Variants in PCDHA11 observed in about 807,000 individuals in gnomAD.
PCDHA11 encodes protocadherin alpha-11.
Under a neutral mutation model 70.3 loss-of-function variants are expected in PCDHA11, and 61 were observed. That is an observed-to-expected ratio of 0.87 (90% CI 0.71 to 1.07). PCDHA11 has a LOEUF of 1.07. Among genes scored for constraint, PCDHA11 ranks in the 50% least tolerant of loss-of-function variants. The pLI is 0.00. For missense variants in PCDHA11, 1,324 were observed against 1,237.5 expected (o/e 1.07, Z -1.05); for synonymous variants, 633 against 555.1 (o/e 1.14, Z -1.97).
chr5:140,937,653 C>G (rs930742748), intron 1 of PCDHA11, among the ~76,000 whole-genome samples: 1 of 151,298 alleles, frequency 6.6e-6, no homozygotes, highest in Non-Finnish European at 1.5e-5. Context: ...TGGCTCACGC[C>G]TGTAATCCCA....
At chr5:140,989,744 T>C (rs1354218140) in intron 3 of PCDHA11, among the ~76,000 whole-genome samples, 1 of 152,200 alleles carries the variant, frequency 6.6e-6, no homozygotes, top group Non-Finnish European at 1.5e-5. Context: ...CATTGCCTAA[T>C]CTGGAGAAAC....
Position 140,922,562 on chromosome 5 carries a change from T to A in PCDHA11, c.2391+51068T>A, listed in dbSNP as rs2080887973. Among the ~76,000 whole-genome samples, 4 of 152,188 alleles carry A rather than the reference T, an allele frequency of 2.6e-5. No individual in the cohort carries two copies. In the South Asian group the frequency reaches 8.3e-4, roughly 31 times the overall value. ...GGCAAGGTAAGGAGAAAAGTCAGGA[T>A]GACAAGTTGCCCTGTAGCCGCCAGT... On this transcript the variant is annotated intron_variant, in intron 1 of 3. Transcript: ENST00000398640.
intron 1 of PCDHA11, chr5:140,877,658 T>G: frequency 6.2e-7 from 1 of 1,613,486 alleles, no homozygotes. Context: ...CCGCCCACCG[T>G]GAGCCGGTGC....
At chr5:140,999,088 G>T (rs1429141341) in intron 3 of PCDHA11, among the ~76,000 whole-genome samples, 1 of 152,156 alleles carries the variant, frequency 6.6e-6, no homozygotes, top group Non-Finnish European at 1.5e-5. Context: ...TCCTTCAGAG[G>T]GCTATGGAGA....
In PCDHA11 at chr5:140,877,673, C is replaced by T. The variant is rs1187719075; in HGVS notation, c.2391+6179C>T. The T allele has an allele frequency of 2.5e-5, 40 of 1,613,532 alleles. No individual in the cohort carries two copies. In the East Asian group the frequency reaches 8.0e-4, roughly 32 times the overall value. Reference sequence around the variant, plus strand: ...CCGCCCACCGTGAGCCGGTGCGCGCCGGGCAAGCCCACGCTGGTGTGCTCC... The same window carrying T: ...CCGCCCACCGTGAGCCGGTGCGCGCTGGGCAAGCCCACGCTGGTGTGCTCC... On this transcript the variant is annotated intron_variant, in intron 1 of 3. Transcript: ENST00000398640.
At chr5:140,929,592 C>A in intron 1 of PCDHA11, 1 of 424,552 alleles carries the variant, frequency 2.4e-6, no homozygotes, top group Non-Finnish European at 4.2e-6. Flanking sequence ...ACATAAAGGT[C>A]TAAAATTAAA....
At chr5:140,965,061 G>A (rs76085486) in intron 1 of PCDHA11, among the ~76,000 whole-genome samples, 2,501 of 152,286 alleles carry the variant, frequency 0.016, 68 homozygotes, top group African/African-American at 0.056. Context: ...CATGCCAAAT[G>A]TCAGGTCTCA....
intron 1 of PCDHA11, among the ~76,000 whole-genome samples, chr5:140,904,827 T>A (rs1554191731): frequency 2.0e-5 from 3 of 152,064 alleles, no homozygotes; most frequent in African/African-American, 7.2e-5. Context: ...AGCATTTTTT[T>A]ATATGTTTCA....
chr5:140,962,791 T>G (rs998586099), intron 1 of PCDHA11, among the ~76,000 whole-genome samples: 19 of 152,252 alleles, frequency 1.2e-4, no homozygotes, highest in Admixed American at 1.1e-3. Context: ...TAAAAACTAC[T>G]TTGGACAACT....
At chr5:140,911,845 A>G (rs1184698013) in intron 1 of PCDHA11, among the ~76,000 whole-genome samples, 2 of 152,216 alleles carry the variant, frequency 1.3e-5, no homozygotes, top group Non-Finnish European at 2.9e-5. Context: ...AAAGAACTCC[A>G]TCCTTAATAG....
chr5:140,899,162 C>T (rs1237064232), intron 1 of PCDHA11, among the ~76,000 whole-genome samples: 31 of 152,224 alleles, frequency 2.0e-4, no homozygotes, highest in African/African-American at 7.2e-4. Flanking sequence ...TTCCTCTTTT[C>T]CTAATTGAAT....
chr5:140,960,031 G>A (rs1331929817), intron 1 of PCDHA11, among the ~76,000 whole-genome samples: 4 of 152,220 alleles, frequency 2.6e-5, no homozygotes, highest in African/African-American at 7.2e-5. Flanking sequence ...TGTTAAGTCC[G>A]GCTGTTTATT....
In PCDHA11 at chr5:140,936,501, T is replaced by A. The variant is rs192125282; in HGVS notation, c.2392-42448T>A. On this transcript the variant is annotated intron_variant, in intron 1 of 3. Transcript: ENST00000398640. ...AGCTTTCTTGTTTTAACTTGCACATTTAGATCTTAAATTACCTGAAATTGC... is the reference window on the plus strand; with the variant it reads ...AGCTTTCTTGTTTTAACTTGCACATATAGATCTTAAATTACCTGAAATTGC... Among the ~76,000 whole-genome samples, 509 of 152,360 alleles carry A rather than the reference T, an allele frequency of 3.3e-3. 1 individual carries two copies. Among genetic ancestry groups the A allele is most frequent in the African/African-American group, 0.011 (472 of 41,592 alleles).
chr5:140,951,413 C>T (rs1206149734), intron 1 of PCDHA11, among the ~76,000 whole-genome samples: 1 of 152,028 alleles, frequency 6.6e-6, no homozygotes, highest in African/African-American at 2.4e-5. Context: ...GTTTAATTGG[C>T]TCACAGTTCC....
chr5:140,884,556 GC>G, intron 1 of PCDHA11: 2 of 1,614,154 alleles, frequency 1.2e-6, no homozygotes, highest in Non-Finnish European at 1.7e-6. Flanking sequence ...TCTGGGGAGG[GC>G]CCGCATAAGA....
intron 3 of PCDHA11, among the ~76,000 whole-genome samples, chr5:140,999,423 C>G (rs1159862736): frequency 6.6e-6 from 1 of 152,100 alleles, no homozygotes; most frequent in Non-Finnish European, 1.5e-5. Context: ...AGCTAAGAGG[C>G]CAAGTACCTT....
intron 1 of PCDHA11, among the ~76,000 whole-genome samples, chr5:140,947,710 A>G (rs2094165762): frequency 6.6e-6 from 1 of 151,556 alleles, no homozygotes; most frequent in African/African-American, 2.4e-5. Context: ...TTAAGTATTG[A>G]GGTTTCAAAA....
At chr5:140,897,443 G>T (rs533610542) in intron 1 of PCDHA11, among the ~76,000 whole-genome samples, 75 of 150,100 alleles carry the variant, frequency 5.0e-4, no homozygotes, top group Middle Eastern at 3.5e-3. Flanking sequence ...GCAGTGTTTG[G>T]TTTTTTGTCC....
chr5:140,953,992 G>A (rs1210096728), intron 1 of PCDHA11, among the ~76,000 whole-genome samples: 3 of 152,034 alleles, frequency 2.0e-5, no homozygotes, highest in Non-Finnish European at 2.9e-5. Context: ...ATTTTCATGT[G>A]TACTCATCAT....
Sources: allele counts gnomAD v4.1 joint callset (sites outside exome capture counted in the v4.1 genomes callset), GRCh38; gene constraint gnomAD v4.1.1; transcripts MANE v1.5; gene names NCBI Gene and HGNC (gene_info 2026-07-23, HGNC 2026-07-21).